Variants in ZFHX3 observed in about 807,000 individuals in gnomAD.
ZFHX3 encodes zinc finger homeobox 3.
A neutral mutation model predicts 279.1 loss-of-function variants in ZFHX3; 42 were observed. That is an observed-to-expected ratio of 0.15 (90% confidence interval 0.12 to 0.19). The LOEUF (loss-of-function observed/expected upper bound fraction) is 0.19. ZFHX3 is among the 10% of genes least tolerant of loss of function. ZFHX3 has a pLI of 1.00. For synonymous variants in ZFHX3, 2,293 were observed against 1,957.8 expected, an observed-to-expected ratio of 1.17 and a Z score of -4.52; for missense variants, 4,981 against 4,754.0, an observed-to-expected ratio of 1.05 and a Z score of -1.40.
At chr16:73,049,042 G>A (rs1965400814), upstream of ZFHX3, among the ~76,000 whole-genome samples, 1 of 152,162 alleles carries the variant, frequency 6.6e-6, no homozygotes, top group South Asian at 2.1e-4. Flanking sequence ...ACCCCAGTTG[G>A]TCAAAGTGAT....
At chr16:73,718,309 G>A (rs1344746412) in intron 1 of ZFHX3, among the ~76,000 whole-genome samples, 2 of 152,116 alleles carry the variant, frequency 1.3e-5, no homozygotes, top group Non-Finnish European at 2.9e-5. Context: ...TACTCGGGAG[G>A]CTGAGGCAGA....
intron 1 of ZFHX3, among the ~76,000 whole-genome samples, chr16:73,751,928 G>A (rs1318610282): frequency 6.6e-6 from 1 of 152,196 alleles, no homozygotes; most frequent in Non-Finnish European, 1.5e-5. Context: ...CTGGTCTTAT[G>A]AGAAAAGAAG....
rs572988275 is a variant in ZFHX3 at position 73,544,773 on chromosome 16, GAGTC to G, written c.-1546-88519_-1546-88516del. On this transcript the variant is annotated intron_variant, in intron 2 of 17. Coordinates refer to the ZFHX3 transcript ENST00000641206. ...AGGTGTGGGAGAGAAGCGAGGCTGG[GAGTC>G]ACCTCCCAGTCCACCTGGGGGACAC... is the stretch of plus-strand genomic sequence containing the variant. Among the ~76,000 whole-genome samples the G allele has an allele frequency of 5.9e-5, 9 of 152,202 alleles. No homozygotes were observed. The East Asian group carries it at 1.7e-3, about 30-fold the overall frequency.
chr16:73,695,062 T>G (rs1024613138), intron 1 of ZFHX3, among the ~76,000 whole-genome samples: 1 of 152,140 alleles, frequency 6.6e-6, no homozygotes, highest in Non-Finnish European at 1.5e-5. Flanking sequence ...TGCAGACCTA[T>G]TTACACAAGG....
chr16:73,755,110 G>A (rs999129789), intron 1 of ZFHX3, among the ~76,000 whole-genome samples: 3 of 152,130 alleles, frequency 2.0e-5, no homozygotes, highest in Admixed American at 6.5e-5. Context: ...TTCATCATTC[G>A]ATGGTTTGAA....
At chr16:72,861,432 G>T (rs12103218) in intron 4 of ZFHX3, among the ~76,000 whole-genome samples, 114 of 152,124 alleles carry the variant, frequency 7.5e-4, no homozygotes, top group African/African-American at 2.7e-3. Context: ...TGGGAGGCGG[G>T]TTACTCCTCA....
chr16:73,558,814 G>A (rs1010288018), intron 2 of ZFHX3, among the ~76,000 whole-genome samples: 1 of 150,752 alleles, frequency 6.6e-6, no homozygotes, highest in Non-Finnish European at 1.5e-5. Context: ...CTGGGTTCAG[G>A]TGATTCTCCT....
chr16:73,165,126 T>C (rs971730757), intron 5 of ZFHX3, among the ~76,000 whole-genome samples: 1 of 152,184 alleles, frequency 6.6e-6, no homozygotes, highest in South Asian at 2.1e-4. Context: ...GCTGTGAACA[T>C]GGACCTCAAA....
chr16:72,970,457 G>T (rs542000202), intron 1 of ZFHX3, among the ~76,000 whole-genome samples: 1 of 152,106 alleles, frequency 6.6e-6, no homozygotes, highest in Non-Finnish European at 1.5e-5. Flanking sequence ...AGAAAGACAA[G>T]CATCGTGTGC....
chr16:72,966,782 A>G (rs1961863930), intron 1 of ZFHX3, among the ~76,000 whole-genome samples: 1 of 152,204 alleles, frequency 6.6e-6, no homozygotes, highest in Admixed American at 6.5e-5. Context: ...ACCTAGTTCC[A>G]GGGTTGAATT....
chr16:73,129,964 C>T (rs1183656479), intron 7 of ZFHX3, among the ~76,000 whole-genome samples: 3 of 152,078 alleles, frequency 2.0e-5, no homozygotes, highest in Non-Finnish European at 4.4e-5. Flanking sequence ...GCGTCTAACC[C>T]GAGAGCATTG....
rs1022012081 is a variant in ZFHX3, at chr16:72,786,146, C to A, written c.*1018G>T. 6.6e-6 allele frequency: 1 copy of A among 151,910 alleles called. No homozygotes were observed. The highest frequency in any genetic ancestry group is 2.4e-5 in the African/African-American group (1 of 41,322). The allele number at this position is 151,910 out of a possible 1,614,324, so 9.4% of individuals were successfully genotyped here. Reference sequence around the variant, plus strand: ...GGGGAGAAAAGCTTAGGCGAATCAACGGATTGCAATCTATCATCTGCTAGG... The same window carrying A: ...GGGGAGAAAAGCTTAGGCGAATCAAAGGATTGCAATCTATCATCTGCTAGG... On this transcript the variant is annotated 3_prime_UTR_variant, in exon 10 of 10. Transcript: ENST00000268489.
chr16:73,713,284 AT>A (rs1467095237), intron 1 of ZFHX3, among the ~76,000 whole-genome samples: 1 of 152,232 alleles, frequency 6.6e-6, no homozygotes, highest in Non-Finnish European at 1.5e-5. Context: ...AGAGCTGCGA[AT>A]TCATTAAACT....
chr16:73,813,771 T>C (rs976577026), intron 1 of ZFHX3: 2 of 152,200 alleles, frequency 1.3e-5, no homozygotes, highest in Non-Finnish European at 2.9e-5. Context: ...TCAGACCCAG[T>C]AGGTCCTCCG....
intron 1 of ZFHX3, among the ~76,000 whole-genome samples, chr16:73,814,849 T>C (rs1394619529): frequency 6.6e-6 from 1 of 152,012 alleles, no homozygotes. Context: ...ATTACAGGAG[T>C]GAGCCTTTCA....
intron 1 of ZFHX3, among the ~76,000 whole-genome samples, chr16:73,872,302 C>T (rs865832788): frequency 2.6e-5 from 4 of 151,992 alleles, no homozygotes; most frequent in South Asian, 4.2e-4. Flanking sequence ...AGCACAGTGG[C>T]GTGATCTTGG....
intron 7 of ZFHX3, among the ~76,000 whole-genome samples, chr16:73,104,649 T>C (rs1027836948): frequency 6.6e-6 from 1 of 152,186 alleles, no homozygotes; most frequent in African/African-American, 2.4e-5. Context: ...GTTCACAGGC[T>C]TAGCTGTACA....
intron 8 of ZFHX3, among the ~76,000 whole-genome samples, chr16:73,080,577 C>T (rs1965931217): frequency 6.6e-6 from 1 of 151,832 alleles, no homozygotes; most frequent in Non-Finnish European, 1.5e-5. Context: ...GTGACTTTTT[C>T]TTTGTTTTTT....
At chr16:73,872,253 T>C (rs2029863861) in intron 1 of ZFHX3, among the ~76,000 whole-genome samples, 1 of 152,092 alleles carries the variant, frequency 6.6e-6, no homozygotes, top group African/African-American at 2.4e-5. Flanking sequence ...CTGTTTTTTT[T>C]TTTTCTTTGA....
Sources: allele counts gnomAD v4.1 joint callset (sites outside exome capture counted in the v4.1 genomes callset), GRCh38; gene constraint gnomAD v4.1.1; transcripts MANE v1.5; gene names NCBI Gene and HGNC (gene_info 2026-07-23, HGNC 2026-07-21).